SHROOM3: variants seen among roughly 807,000 people sequenced by gnomAD.
SHROOM3 encodes the protein shroom family member 3.
SHROOM3 carries 47 observed loss-of-function variants against 138.6 expected under a neutral mutation model. The observed-to-expected ratio is 0.34, with a 90% confidence interval of 0.27 to 0.43. The LOEUF (loss-of-function observed/expected upper bound fraction) is 0.43, where lower values mean the gene tolerates loss of function less well. Ranked by LOEUF, SHROOM3 falls within the 20% of genes least tolerant of loss-of-function variation. The pLI, the probability that SHROOM3 is intolerant of heterozygous loss-of-function variation, is 1.00. For synonymous variants in SHROOM3, 1,062 were observed against 1,063.3 expected (o/e 1.00, Z 0.02); for missense variants, 2,491 against 2,596.5 (o/e 0.96, Z 0.88).
At chr4:76,468,234 T>C (rs2109979984) in intron 1 of SHROOM3, among the ~76,000 whole-genome samples, 1 of 152,328 alleles carries the variant, frequency 6.6e-6, no homozygotes, top group African/African-American at 2.4e-5. Context: ...TTCCTACATA[T>C]TGCTAGTAGA....
intron 1 of SHROOM3, among the ~76,000 whole-genome samples, chr4:76,532,805 G>A (rs953236249): frequency 6.6e-6 from 1 of 151,714 alleles, no homozygotes; most frequent in Non-Finnish European, 1.5e-5. Flanking sequence ...CTTTATGTAC[G>A]GTTTCTCTCT....
chr4:76,720,151 G>GTTTTT (rs59839066), intron 3 of SHROOM3, among the ~76,000 whole-genome samples: 10 of 82,998 alleles, frequency 1.2e-4, no homozygotes, highest in Admixed American at 3.0e-4. Context: ...TGTTTTTTAG[G>GTTTTT]TTTTTTTTTT....
rs563172776 is a variant in SHROOM3, at chr4:76,544,204, T to C, written c.169-11405T>C. ...AAAAAGTCTGTCTAAGGGAATCCAT[T>C]GTAAAACAGGGAGCAAAATATGATG... On this transcript the variant is annotated intron_variant, in intron 1 of 10. Transcript: ENST00000296043. Among the ~76,000 whole-genome samples, 25 of 152,258 alleles carry C rather than the reference T, an allele frequency of 1.6e-4. No individual in the cohort carries two copies. In the South Asian group the frequency reaches 2.7e-3, roughly 16 times the overall value.
chr4:76,570,832 C>T (rs73828168), intron 2 of SHROOM3, among the ~76,000 whole-genome samples: 6,255 of 152,134 alleles, frequency 0.041, 452 homozygotes, highest in African/African-American at 0.14. Flanking sequence ...GTGCAGACTA[C>T]GTGGGTGGTA....
intron 2 of SHROOM3, among the ~76,000 whole-genome samples, chr4:76,600,119 T>G (rs1391161809): frequency 2.6e-5 from 4 of 152,140 alleles, no homozygotes; most frequent in Non-Finnish European, 5.9e-5. Flanking sequence ...GCCACTGTAC[T>G]CCAGCCTGGG....
intron 1 of SHROOM3, among the ~76,000 whole-genome samples, chr4:76,551,939 G>T (rs913390692): frequency 6.6e-6 from 1 of 150,852 alleles, no homozygotes; most frequent in Non-Finnish European, 1.5e-5. Flanking sequence ...TCGGCTCACT[G>T]CAAGCTCTGC....
chr4:76,671,035 C>T (rs569557615), intron 2 of SHROOM3, among the ~76,000 whole-genome samples: 2 of 152,290 alleles, frequency 1.3e-5, no homozygotes, highest in Admixed American at 6.5e-5. Context: ...CCTATCCTCA[C>T]CTCCCTTTTA....
chr4:76,745,840 G>A (rs1721417234), intron 5 of SHROOM3, among the ~76,000 whole-genome samples: 1 of 152,178 alleles, frequency 6.6e-6, no homozygotes, highest in African/African-American at 2.4e-5. Context: ...AATTAGCTAG[G>A]CATGGTGGTG....
Position 76,693,384 on chromosome 4 carries a change from T to TG in SHROOM3, c.324-16772_324-16771insG, listed in dbSNP as rs1280929386. ...TTGATAAGTTTGTTTTTTTTTTTTTTTTTTTTTTTAAAGCAACAAGACAGA... is the reference window on the plus strand; with the variant it reads ...TTGATAAGTTTGTTTTTTTTTTTTTTGTTTTTTTTTAAAGCAACAAGACAGA... On this transcript the variant is annotated intron_variant, in intron 2 of 10. Transcript: ENST00000296043. Among the ~76,000 whole-genome samples, 11 of 129,084 alleles carry TG rather than the reference T, an allele frequency of 8.5e-5. 1 individual carries two copies. The highest frequency in any genetic ancestry group is 4.8e-4 in the East Asian group (2 of 4,204). 84.7% of individuals were successfully genotyped at this position (129,084 alleles called of 152,430 possible). A position where few individuals can be genotyped will look rare whatever the true frequency, so the allele number is the denominator to read the frequency against.
intron 2 of SHROOM3, among the ~76,000 whole-genome samples, chr4:76,596,581 AACACACAC>A (rs58214296): frequency 0.018 from 2,492 of 138,218 alleles, 29 homozygotes; most frequent in African/African-American, 0.041. Flanking sequence ...GGTACAGAGA[AACACACAC>A]ACACACACAC....
chr4:76,569,580 T>C (rs1412812993), intron 2 of SHROOM3, among the ~76,000 whole-genome samples: 1 of 152,206 alleles, frequency 6.6e-6, no homozygotes, highest in Admixed American at 6.5e-5. Context: ...ATATTTTCTT[T>C]CTTACTGGTG....
intron 1 of SHROOM3, among the ~76,000 whole-genome samples, chr4:76,526,120 C>A (rs189582816): frequency 6.6e-5 from 10 of 152,316 alleles, no homozygotes; most frequent in African/African-American, 2.4e-4. Context: ...GTAATCCCAG[C>A]GTTTTGGGAG....
chr4:76,648,232 A>C (rs1484536885), intron 2 of SHROOM3, among the ~76,000 whole-genome samples: 1 of 151,430 alleles, frequency 6.6e-6, no homozygotes, highest in African/African-American at 2.4e-5. Flanking sequence ...GGAGGCTGGG[A>C]TGGGAGGATT....
At position 76,740,422 on chromosome 4, in the gene SHROOM3, A is replaced by G; in HGVS notation, c.2249A>G (p.His750Arg). Residue 750 changes from histidine to arginine, a missense_variant, in exon 5 of 11, where the codon CAC becomes CGC. Transcript: ENST00000296043. This position sits in a 1 kb window ranked among gnomAD's most constrained non-coding sequence, Gnocchi z 4.0. ...PSPEEPPAPSHPHTSSLGRRG... is the reference protein window; with the variant it reads ...PSPEEPPAPSRPHTSSLGRRG... ...CCCGAAGAGCCGCCTGCCCCCTCGCACCCGCACACATCCAGTCTGGGCCGG... is the reference window on the plus strand; with the variant it reads ...CCCGAAGAGCCGCCTGCCCCCTCGCGCCCGCACACATCCAGTCTGGGCCGG... 5 of 1,612,884 alleles carry G rather than the reference A, an allele frequency of 3.1e-6. No homozygotes were observed. The highest frequency in any genetic ancestry group is 4.2e-6 in the Non-Finnish European group (5 of 1,179,762).
At chr4:76,579,372 G>A (rs866856566) in intron 2 of SHROOM3, among the ~76,000 whole-genome samples, 1 of 152,052 alleles carries the variant, frequency 6.6e-6, no homozygotes, top group Admixed American at 6.6e-5. Context: ...GGAGGCTGAG[G>A]CAGGAGAATG....
chr4:76,639,206 C>T (rs1414876573), intron 2 of SHROOM3, among the ~76,000 whole-genome samples: 1 of 152,178 alleles, frequency 6.6e-6, no homozygotes, highest in Non-Finnish European at 1.5e-5. Flanking sequence ...CAGCCACTTA[C>T]TGAGTACCTA....
At chr4:76,643,898 G>A (rs532379415) in intron 2 of SHROOM3, among the ~76,000 whole-genome samples, 48 of 152,138 alleles carry the variant, frequency 3.2e-4, no homozygotes, top group African/African-American at 1.0e-3. Context: ...AGGCTGGAGC[G>A]TAATGGCACG....
chr4:76,459,268 G>A (rs547750915), intron 1 of SHROOM3, among the ~76,000 whole-genome samples: 3 of 152,314 alleles, frequency 2.0e-5, no homozygotes, highest in East Asian at 1.9e-4. Flanking sequence ...TTATAATTGT[G>A]TAGAATTGTA....
Position 76,637,741 on chromosome 4 carries a change from C to T in SHROOM3, c.324-72415C>T, listed in dbSNP as rs754529307. The T allele has an allele frequency of 2.6e-5, 4 of 152,132 alleles. No individual in the cohort carries two copies. The South Asian group carries it at 6.2e-4, about 24-fold the overall frequency. 9.4% of individuals were successfully genotyped at this position (152,132 alleles called of 1,614,324 possible). A position where few individuals can be genotyped will look rare whatever the true frequency, so the allele number is the denominator to read the frequency against. On this transcript the variant is annotated intron_variant, in intron 2 of 10. Transcript: ENST00000296043. ...TGGAAGTTGTGGGAATGTGTTCAGT[C>T]GAAACTTTTCAATTGCTTGCACTGG...
Sources: allele counts gnomAD v4.1 joint callset (sites outside exome capture counted in the v4.1 genomes callset), GRCh38; gene constraint gnomAD v4.1.1; non-coding constraint Gnocchi (gnomAD v3.1); transcripts MANE v1.5; gene names NCBI Gene and HGNC (gene_info 2026-07-23, HGNC 2026-07-21).